TSPYL2: variants seen among roughly 807,000 people sequenced by gnomAD.
TSPYL2 encodes testis-specific Y-encoded-like protein 2.
In TSPYL2, 9 loss-of-function variants were observed where a neutral mutation model predicts 33.0. The ratio of observed to expected loss-of-function variants is 0.27; its 90% CI spans 0.16 to 0.48. The LOEUF (loss-of-function observed/expected upper bound fraction) is 0.48, where lower values mean the gene tolerates loss of function less well. TSPYL2 is among the 20% of genes least tolerant of loss of function. The pLI is 0.99. For missense variants in TSPYL2, 636 were observed against 586.2 expected, an observed-to-expected ratio of 1.08 and a Z score of -0.88; for synonymous variants, 330 against 233.6, an observed-to-expected ratio of 1.41 and a Z score of -3.77.
rs1172138016 is a variant in TSPYL2 at position 53,082,714 on chromosome X, G to C, written c.216G>C (p.Pro72=). ...TGGGACTGGGCCCCGCGCTGCCCCC[G>C]CCGCCTCCCTATGTCATTCTCGAGG... ...RGVGLGPALP[P]PPPYVILEEG... is the part of the protein sequence containing the mutation. Residue 72 remains proline (P), a synonymous_variant, in exon 1 of 7, where the codon CCG becomes CCC. Transcript: ENST00000375442. 1 of 1,147,698 alleles carries C rather than the reference G, an allele frequency of 8.7e-7. No homozygotes were observed. Among genetic ancestry groups the C allele is most frequent in the Non-Finnish European group, 1.2e-6 (1 of 867,723 alleles). The allele number at this position is 1,147,698 out of a possible 1,213,427, so 94.6% of individuals were successfully genotyped here.
In TSPYL2 at chrX:53,085,689, G is replaced by C. The variant is rs1282801783; in HGVS notation, c.1297G>C (p.Val433Leu). The C allele has an allele frequency of 4.1e-6, 5 of 1,210,266 alleles. No homozygotes were observed. Among genetic ancestry groups the C allele is most frequent in the Non-Finnish European group, 4.5e-6 (4 of 895,342 alleles). ...IMEDAPDYYA[V>L]EDIFSEISDI... ...GGAAGACGCCCCTGACTATTATGCAGTGGAAGACATTTTCAGCGAGATCTC... is the reference window on the plus strand; with the variant it reads ...GGAAGACGCCCCTGACTATTATGCACTGGAAGACATTTTCAGCGAGATCTC... The change falls in exon 6 of 7, where the codon GTG becomes CTG. Residue 433 changes from valine to leucine, a missense_variant. Val to Leu is a conservative substitution (Grantham distance 32). Coordinates refer to ENST00000375442, the MANE Select transcript of TSPYL2 (RefSeq NM_022117.4).
Position 53,082,476 on chromosome X carries a change from T to C in TSPYL2, c.-23T>C, listed in dbSNP as rs1556807100. On this transcript the variant is annotated 5_prime_UTR_variant, in exon 1 of 7. Coordinates refer to ENST00000375442, the MANE Select transcript of TSPYL2 (RefSeq NM_022117.4). ...AGCGAAGGGGCGAGTGCGAGTCCCC[T>C]GAGCTGTACGAACGCGGTCGCCATG... The C allele has an allele frequency of 7.9e-6, 9 of 1,141,993 alleles. No homozygotes were observed. Among genetic ancestry groups the C allele is most frequent in the Non-Finnish European group, 1.0e-5 (9 of 865,850 alleles). 94.1% of individuals were successfully genotyped at this position (1,141,993 alleles called of 1,213,427 possible). A position where few individuals can be genotyped will look rare whatever the true frequency, so the allele number is the denominator to read the frequency against.
At position 53,085,099 on chromosome X, in the gene TSPYL2, G is replaced by A; in HGVS notation, c.1143G>A (p.Glu381=). The A allele has an allele frequency of 8.3e-7, 1 of 1,203,148 alleles. No individual in the cohort carries two copies. The change falls in exon 4 of 7, where the codon GAG becomes GAA. Residue 381 remains glutamate, a splice_region_variant and synonymous_variant. Coordinates refer to ENST00000375442, the MANE Select transcript of TSPYL2 (RefSeq NM_022117.4). ...HSLPEADRIA[E]IIKNDLWVNP... ...TCCCAGAGGCTGACAGGATTGCTGA[G>A]GTGGGGCCCTTCCTGGCATCACCAG...
Position 53,085,661 on chromosome X carries a change from C to T in TSPYL2, c.1269C>T (p.Ile423=). ...CCAGGGGCAGATGTGAGGTGGTGAT[C>T]ATGGAAGACGCCCCTGACTATTATG... ...RKTRGRCEVV[I]MEDAPDYYAV... The change falls in exon 6 of 7, where the codon ATC becomes ATT. Residue 423 remains isoleucine (I), a synonymous_variant. Transcript: ENST00000375442. 8.3e-7 allele frequency: 1 copy of T among 1,211,778 alleles called. No individual in the cohort carries two copies. The highest frequency in any genetic ancestry group is 1.1e-6 in the Non-Finnish European group (1 of 895,537).
At position 53,084,696 on chromosome X, in the gene TSPYL2, G is replaced by A. The variant is rs782239135; in HGVS notation, c.886-59G>A. On this transcript the variant is annotated intron_variant, in intron 2 of 6. Transcript: ENST00000375442. ...CTTGGAGGTGACGGGAGGTGGGTGG[G>A]AAGGGCCGTGGTGTGTTGGGGGGGG... The A allele has an allele frequency of 3.3e-5, 36 of 1,090,371 alleles. No individual in the cohort carries two copies. The South Asian group carries it at 6.1e-4, about 19-fold the overall frequency. The allele number at this position is 1,090,371 out of a possible 1,213,427, so 89.9% of individuals were successfully genotyped here.
Position 53,082,538 on chromosome X carries a change from C to T in TSPYL2, c.40C>T (p.Arg14Cys). The T allele has an allele frequency of 4.3e-6, 5 of 1,158,713 alleles. No individual in the cohort carries two copies. The highest frequency in any genetic ancestry group is 4.6e-6 in the Non-Finnish European group (4 of 873,055). ...TGAGGGGCCTCCGGCCAAGACCCGCCGCCTGAGCAGCTCCGAGTCTCCACA... is the reference window on the plus strand; with the variant it reads ...TGAGGGGCCTCCGGCCAAGACCCGCTGCCTGAGCAGCTCCGAGTCTCCACA... Reference protein sequence around the residue: ...PDEGPPAKTRRLSSSESPQRD... With the variant: ...PDEGPPAKTRCLSSSESPQRD... The change falls in exon 1 of 7, where the codon CGC (arginine) becomes TGC (cysteine). Residue 14 changes from arginine (R) to cysteine (C), a missense_variant. Transcript: ENST00000375442.
In TSPYL2 at chrX:53,087,476, G is replaced by C. The variant is rs200935051; in HGVS notation, c.1919-300G>C. ...TTCAGCTGAGGTCAGAGCTCAGGAAGAGACACACATTGAGGAGTACAAGGG... is the reference window on the plus strand; with the variant it reads ...TTCAGCTGAGGTCAGAGCTCAGGAACAGACACACATTGAGGAGTACAAGGG... On this transcript the variant is annotated intron_variant, in intron 6 of 6. Coordinates refer to ENST00000375442, the MANE Select transcript of TSPYL2 (RefSeq NM_022117.4). The C allele has an allele frequency of 1.9e-5, 5 of 265,561 alleles. No homozygotes were observed. The East Asian group carries it at 2.6e-4, about 14-fold the overall frequency. 21.9% of individuals were successfully genotyped at this position (265,561 alleles called of 1,213,427 possible). A position where few individuals can be genotyped will look rare whatever the true frequency, so the allele number is the denominator to read the frequency against.
chrX:53,083,639 A>T (rs1424933155), intron 1 of TSPYL2, among the ~76,000 whole-genome samples: 2 of 109,710 alleles, frequency 1.8e-5, no homozygotes, highest in South Asian at 4.0e-4. Context: ...ACAGCAAAAA[A>T]ATTGGACCAG....
intron 1 of TSPYL2, among the ~76,000 whole-genome samples, chrX:53,083,532 A>C (rs1556807599): frequency 9.3e-6 from 1 of 107,307 alleles, no homozygotes; most frequent in Non-Finnish European, 1.9e-5. Flanking sequence ...GGCGGACATA[A>C]AAACTGGACC....
Position 53,088,115 on chromosome X carries a change from G to A in TSPYL2, c.*176G>A, listed in dbSNP as rs1194367305. Reference sequence around the variant, plus strand: ...GTCATTGCAGAGTTCTTATTTTGGGGGGAGGGAAAGGGGGCTAGTCCCCTT... The same window carrying A: ...GTCATTGCAGAGTTCTTATTTTGGGAGGAGGGAAAGGGGGCTAGTCCCCTT... On this transcript the variant is annotated 3_prime_UTR_variant, in exon 7 of 7. Transcript: ENST00000375442. 4.4e-6 allele frequency: 2 copies of A among 458,330 alleles called. No individual in the cohort carries two copies. Among genetic ancestry groups the A allele is most frequent in the East Asian group, 3.7e-5 (1 of 26,816 alleles). The allele number at this position is 458,330 out of a possible 1,213,427, so 37.8% of individuals were successfully genotyped here. A position where few individuals can be genotyped will look rare whatever the true frequency, so the allele number is the denominator to read the frequency against.
rs782539542 is a variant in TSPYL2 at position 53,085,017 on chromosome X, G to A, written c.1061G>A (p.Arg354His). ...WHRGQEPQARRHGNQDASHSF... is the reference protein window; with the variant it reads ...WHRGQEPQARHHGNQDASHSF... The stretch of plus-strand genomic sequence containing the variant: ...CGGGGCCAGGAACCCCAGGCCCGTC[G>A]TCACGGGAACCAGGATGCGAGCCAC... Residue 354 changes from arginine to histidine, a missense_variant, in exon 4 of 7, where the codon CGT becomes CAT. Coordinates refer to ENST00000375442, the MANE Select transcript of TSPYL2 (RefSeq NM_022117.4). 9.9e-6 allele frequency: 12 copies of A among 1,211,630 alleles called. No homozygotes were observed. The highest frequency in any genetic ancestry group is 1.3e-5 in the Non-Finnish European group (12 of 895,458).
In TSPYL2 at chrX:53,086,158, A is replaced by G. The variant is rs962228566; in HGVS notation, c.1766A>G (p.Asn589Ser). ...GDNEGSDDDG[N>S]EGDNEGSDDD... ...AATGAGGGCAGTGATGATGATGGCAATGAAGGTGACAATGAAGGCAGCGAT... is the reference window on the plus strand; with the variant it reads ...AATGAGGGCAGTGATGATGATGGCAGTGAAGGTGACAATGAAGGCAGCGAT... The change falls in exon 6 of 7, where the codon AAT (asparagine) becomes AGT (serine). Residue 589 changes from asparagine to serine, a missense_variant. This residue lies in a region of TSPYL2 where 401 missense variants were observed against 363.0 expected (regional missense o/e 1.10). Coordinates refer to ENST00000375442, the MANE Select transcript of TSPYL2 (RefSeq NM_022117.4). 1.7e-6 allele frequency: 2 copies of G among 1,204,743 alleles called. No homozygotes were observed. The highest frequency in any genetic ancestry group is 1.1e-6 in the Non-Finnish European group (1 of 891,638).
At position 53,088,168 on chromosome X, in the gene TSPYL2, C is replaced by T; in HGVS notation, c.*229C>T. Reference sequence around the variant, plus strand: ...TTTGGCCCTCCGCCCCCGCAGGCTTCTGTGTGCTGCTAACTGTATTTATTG... The same window carrying T: ...TTTGGCCCTCCGCCCCCGCAGGCTTTTGTGTGCTGCTAACTGTATTTATTG... On this transcript the variant is annotated 3_prime_UTR_variant, in exon 7 of 7. Coordinates refer to ENST00000375442, the MANE Select transcript of TSPYL2 (RefSeq NM_022117.4). The T allele has an allele frequency of 2.5e-6, 1 of 405,938 alleles. No individual in the cohort carries two copies. The highest frequency in any genetic ancestry group is 4.2e-5 in the South Asian group (1 of 23,786). 33.5% of individuals were successfully genotyped at this position (405,938 alleles called of 1,213,427 possible).
intron 6 of TSPYL2, 138 bp downstream of exon 6, chrX:53,086,448 CAAAG>C (rs782542631): frequency 6.9e-5 from 40 of 581,260 alleles, no homozygotes; most frequent in African/African-American, 3.8e-4. Flanking sequence ...ACTTTTTAAA[CAAAG>C]GAAGTCCAGT....
intron 1 of TSPYL2, 129 bp downstream of exon 1, chrX:53,083,434 G>A: frequency 1.6e-6 from 1 of 617,020 alleles, no homozygotes; most frequent in Non-Finnish European, 2.6e-6. Flanking sequence ...ATCGGAAGAC[G>A]GACTAGACTG....
In TSPYL2 at chrX:53,087,852, G is replaced by A. The variant is rs782699321; in HGVS notation, c.1995G>A (p.Gly665=). The A allele has an allele frequency of 9.1e-6, 11 of 1,210,308 alleles. No individual in the cohort carries two copies. The South Asian group carries it at 1.8e-4, about 19-fold the overall frequency. The part of the protein sequence containing the change: ...EEGSEDVWEE[G]EDSDDSDLED... ...GAAGTGAAGATGTCTGGGAAGAAGG[G>A]GAAGATTCGGACGACTCTGACCTAG... Residue 665 remains glycine, a synonymous_variant, in exon 7 of 7, where the codon GGG becomes GGA. Transcript: ENST00000375442.
At position 53,082,624 on chromosome X, in the gene TSPYL2, C is replaced by G; in HGVS notation, c.126C>G (p.Pro42=). The change falls in exon 1 of 7, where the codon CCC becomes CCG. Residue 42 remains proline (P), a synonymous_variant. Transcript: ENST00000375442. ...PPLLRLPLPP[P]QQRPRLQEET... is the part of the protein sequence containing the mutation. ...TCCTCCGACTGCCGCTGCCTCCACC[C>G]CAGCAGCGCCCGAGGCTCCAGGAGG... 8.7e-7 allele frequency: 1 copy of G among 1,155,371 alleles called. No individual in the cohort carries two copies. The highest frequency in any genetic ancestry group is 1.1e-6 in the Non-Finnish European group (1 of 870,308).
intron 1 of TSPYL2, among the ~76,000 whole-genome samples, chrX:53,083,777 TA>T (rs1482925546): frequency 9.0e-6 from 1 of 110,730 alleles, no homozygotes; most frequent in Non-Finnish European, 1.9e-5. Context: ...CAAGGCTCTG[TA>T]AACCTAGATT....
intron 6 of TSPYL2, 60 bp from the exon 7 acceptor site, chrX:53,087,716 C>G (rs1293407960): frequency 1.8e-6 from 2 of 1,123,811 alleles, no homozygotes; most frequent in Admixed American, 2.6e-5. Context: ...TAGAGTGACA[C>G]CTATCTGCTC....
Sources: allele counts gnomAD v4.1 joint callset (sites outside exome capture counted in the v4.1 genomes callset), GRCh38; gene constraint gnomAD v4.1.1; regional missense constraint gnomAD v4.1.1; transcripts MANE v1.5; gene names NCBI Gene and HGNC (gene_info 2026-07-23, HGNC 2026-07-21).